Variants in GDPD5 observed in about 807,000 individuals in gnomAD.
GDPD5 encodes glycerophosphodiester phosphodiesterase 2.
GDPD5 carries 48 observed loss-of-function variants against 75.1 expected under a neutral mutation model. That is an observed-to-expected ratio of 0.64 (90% CI 0.51 to 0.81). The LOEUF is 0.81. GDPD5 is among the 40% of genes least tolerant of loss of function. The probability of loss-of-function intolerance (pLI) is 0.00; values close to 1 mark genes in which losing one functional copy is unlikely to be tolerated. For missense variants in GDPD5, 706 were observed against 822.6 expected, an observed-to-expected ratio of 0.86 and a Z score of 1.73; for synonymous variants, 336 against 339.0, an observed-to-expected ratio of 0.99 and a Z score of 0.10.
At chr11:75,502,885 C>T (rs1040530682) in intron 1 of GDPD5, among the ~76,000 whole-genome samples, 10 of 152,284 alleles carry the variant, frequency 6.6e-5, no homozygotes, top group East Asian at 1.9e-4. Context: ...GGCAAACCTC[C>T]GGGTGCCCCA....
intron 1 of GDPD5, among the ~76,000 whole-genome samples, chr11:75,495,950 C>CCTTATG (rs1171583261): frequency 1.3e-5 from 2 of 152,216 alleles, no homozygotes; most frequent in Non-Finnish European, 2.9e-5. Context: ...CATGGAAGGT[C>CCTTATG]CTTATGCTTA....
At chr11:75,460,425 T>C (rs1250991714) in intron 4 of GDPD5, among the ~76,000 whole-genome samples, 2 of 152,098 alleles carry the variant, frequency 1.3e-5, no homozygotes, top group Non-Finnish European at 1.5e-5. Context: ...AGCCCTCTTA[T>C]GTTCATCATC....
chr11:75,474,310 G>C (rs1198530854), intron 3 of GDPD5, among the ~76,000 whole-genome samples: 2 of 152,236 alleles, frequency 1.3e-5, no homozygotes, highest in Non-Finnish European at 1.5e-5. Flanking sequence ...TAGAGAAGCT[G>C]GTTTTGACAC....
Position 75,477,771 on chromosome 11 carries a change from C to T in GDPD5, c.-36G>A, listed in dbSNP as rs1447089329. The T allele has an allele frequency of 1.1e-5, 16 of 1,462,754 alleles. No individual in the cohort carries two copies. The highest frequency in any genetic ancestry group is 2.4e-4 in the Middle Eastern group (1 of 4,150). 90.6% of individuals were successfully genotyped at this position (1,462,754 alleles called of 1,614,324 possible). On this transcript the variant is annotated 5_prime_UTR_variant, in exon 3 of 17. Transcript: ENST00000336898. Reference sequence around the variant, plus strand: ...ACGGCCCTGGCGCCTGGCCCTCAGGCGCCCATGGAGGCCCCCAGCTTGTCC... The same window carrying T: ...ACGGCCCTGGCGCCTGGCCCTCAGGTGCCCATGGAGGCCCCCAGCTTGTCC...
In GDPD5 at chr11:75,435,407, G is replaced by T; in HGVS notation, c.*100C>A. ...CTGGAGCCCACAAGGAGGCTGTGGA[G>T]CCCGCTCCCAGAGCACTCCGAGTTC... On this transcript the variant is annotated 3_prime_UTR_variant, in exon 17 of 17. Transcript: ENST00000336898. 8.5e-7 allele frequency: 1 copy of T among 1,175,656 alleles called. No homozygotes were observed. The highest frequency in any genetic ancestry group is 1.2e-6 in the Non-Finnish European group (1 of 853,724). The allele number at this position is 1,175,656 out of a possible 1,614,324, so 72.8% of individuals were successfully genotyped here. A position where few individuals can be genotyped will look rare whatever the true frequency, so the allele number is the denominator to read the frequency against.
chr11:75,459,486 G>T (rs147197701), intron 4 of GDPD5, among the ~76,000 whole-genome samples: 1,744 of 152,084 alleles, frequency 0.011, 25 homozygotes, highest in Non-Finnish European at 0.017. Flanking sequence ...AATTTTTAAG[G>T]GGCATGATAG....
At chr11:75,524,607 G>A (rs1032852912) in intron 1 of GDPD5, among the ~76,000 whole-genome samples, 3 of 152,208 alleles carry the variant, frequency 2.0e-5, no homozygotes, top group Admixed American at 1.3e-4. Flanking sequence ...GATCTCTGCA[G>A]TGAATTCACC....
chr11:75,496,178 G>C (rs1429435901), intron 1 of GDPD5, among the ~76,000 whole-genome samples: 1 of 152,200 alleles, frequency 6.6e-6, no homozygotes, highest in Non-Finnish European at 1.5e-5. Flanking sequence ...AGGCTGGGAG[G>C]GCCCAGCAGC....
intron 2 of GDPD5, among the ~76,000 whole-genome samples, chr11:75,481,544 G>A (rs1949919659): frequency 6.6e-6 from 1 of 152,042 alleles, no homozygotes; most frequent in South Asian, 2.1e-4. Context: ...TGGGGACACA[G>A]CTTGGCTCCC....
chr11:75,471,229 G>A (rs1680438448), intron 3 of GDPD5, among the ~76,000 whole-genome samples: 1 of 152,240 alleles, frequency 6.6e-6, no homozygotes, highest in African/African-American at 2.4e-5. Flanking sequence ...AGGGAGAGAT[G>A]GGCAGGCTAT....
chr11:75,441,863 A>G (rs1948822165), intron 12 of GDPD5, 60 bp from the exon 13 acceptor site: 3 of 1,497,508 alleles, frequency 2.0e-6, no homozygotes, highest in Non-Finnish European at 2.7e-6. Context: ...AAGAGTACCT[A>G]CTCCTCCTAG....
chr11:75,524,536 G>A (rs1415245929), intron 1 of GDPD5, among the ~76,000 whole-genome samples: 1 of 152,208 alleles, frequency 6.6e-6, no homozygotes, highest in Non-Finnish European at 1.5e-5. Context: ...AGTCACGTGA[G>A]CCACATCTCC....
chr11:75,450,085 G>A, intron 6 of GDPD5, 102 bp from the exon 7 acceptor site: 1 of 905,664 alleles, frequency 1.1e-6, no homozygotes, highest in East Asian at 2.6e-5. Flanking sequence ...GGGCAGGAGA[G>A]GCCGATGGAG....
At chr11:75,440,112 T>G (rs1277121068) in intron 14 of GDPD5, 151 bp from the exon 15 acceptor site, 2 of 614,708 alleles carry the variant, frequency 3.3e-6, no homozygotes, top group Non-Finnish European at 5.8e-6. Context: ...AAGATGACAT[T>G]TTGCAGGTGT....
At position 75,477,759 on chromosome 11, in the gene GDPD5, C is replaced by T; in HGVS notation, c.-24G>A. ...ATACTCGTGCCCACGGCCCTGGCGC[C>T]TGGCCCTCAGGCGCCCATGGAGGCC... On this transcript the variant is annotated 5_prime_UTR_variant, in exon 3 of 17. Transcript: ENST00000336898. 6.6e-7 allele frequency: 1 copy of T among 1,518,132 alleles called. No individual in the cohort carries two copies. The allele number at this position is 1,518,132 out of a possible 1,614,324, so 94.0% of individuals were successfully genotyped here. A position where few individuals can be genotyped will look rare whatever the true frequency, so the allele number is the denominator to read the frequency against.
In GDPD5 at chr11:75,458,871, C is replaced by G. The variant is rs1246951278; in HGVS notation, c.222-1085G>C. Among the ~76,000 whole-genome samples, 9 of 152,158 alleles carry G rather than the reference C, an allele frequency of 5.9e-5. 1 individual carries two copies. In the East Asian group the frequency reaches 1.7e-3, roughly 29 times the overall value. ...GAACATGGCTCACTGAAGCTTTGAC[C>G]TCCTGGGCTCAAGCAATCCTCCTAC... On this transcript the variant is annotated intron_variant, in intron 4 of 16. Coordinates refer to ENST00000336898, the MANE Select transcript of GDPD5 (RefSeq NM_030792.8).
chr11:75,483,883 T>C (rs1049064256), intron 2 of GDPD5, among the ~76,000 whole-genome samples: 9 of 152,168 alleles, frequency 5.9e-5, no homozygotes, highest in African/African-American at 1.9e-4. Context: ...GAGTTTCTTT[T>C]TGGGCTGGTG....
chr11:75,514,828 A>C (rs116331871), intron 1 of GDPD5, among the ~76,000 whole-genome samples: 2,096 of 152,358 alleles, frequency 0.014, 48 homozygotes, highest in African/African-American at 0.048. Context: ...CATACAGAGA[A>C]GGGGGGCATG....
At chr11:75,493,263 A>ACACACAC (rs58709783) in intron 1 of GDPD5, among the ~76,000 whole-genome samples, 5 of 151,434 alleles carry the variant, frequency 3.3e-5, no homozygotes, top group South Asian at 2.1e-4. Context: ...ACACACACAC[A>ACACACAC]AATAAATTCA....
Sources: gnomAD v4.1 joint callset for allele counts (sites outside exome capture counted in the v4.1 genomes callset) on GRCh38, gnomAD v4.1.1 for gene constraint, MANE v1.5 for transcripts, NCBI Gene and HGNC (gene_info 2026-07-23, HGNC 2026-07-21) for gene names.